Variants in DTNA observed in about 807,000 individuals in gnomAD.
DTNA encodes the protein dystrobrevin alpha.
A neutral mutation model predicts 100.7 loss-of-function variants in DTNA; 43 were observed. The ratio of observed to expected loss-of-function variants is 0.43; its 90% CI spans 0.33 to 0.55. The LOEUF (loss-of-function observed/expected upper bound fraction) is 0.55, where lower values mean the gene tolerates loss of function less well. DTNA is among the 20% of genes least tolerant of loss of function. The probability of loss-of-function intolerance (pLI) is 0.04; values close to 1 mark genes in which losing one functional copy is unlikely to be tolerated. For synonymous variants in DTNA, 349 were observed against 347.9 expected (o/e 1.00, Z -0.04); for missense variants, 798 against 953.9 (o/e 0.84, Z 2.15).
intron 8 of DTNA, among the ~76,000 whole-genome samples, chr18:34,819,376 A>G (rs1028939535): frequency 6.6e-6 from 1 of 152,250 alleles, no homozygotes; most frequent in African/African-American, 2.4e-5. Flanking sequence ...AAGGAAGAGT[A>G]TACTGAGAAC....
chr18:34,562,057 A>T (rs1489324496), intron 1 of DTNA, among the ~76,000 whole-genome samples: 9 of 152,020 alleles, frequency 5.9e-5, no homozygotes, highest in African/African-American at 2.2e-4. Context: ...CATACTAGAG[A>T]CTGTGGTAAA....
intron 17 of DTNA, among the ~76,000 whole-genome samples, chr18:34,869,140 G>A (rs2096738456): frequency 6.6e-6 from 1 of 152,118 alleles, no homozygotes; most frequent in African/African-American, 2.4e-5. Flanking sequence ...TCAAACTATT[G>A]ATAATCCATG....
intron 1 of DTNA, among the ~76,000 whole-genome samples, chr18:34,524,751 G>A (rs2042451404): frequency 6.6e-6 from 1 of 151,140 alleles, no homozygotes; most frequent in South Asian, 2.1e-4. Flanking sequence ...AGACACAAGA[G>A]GATTTTTTTT....
intron 3 of DTNA, among the ~76,000 whole-genome samples, chr18:34,775,382 A>C (rs1352287295): frequency 6.6e-6 from 1 of 152,166 alleles, no homozygotes; most frequent in East Asian, 1.9e-4. Context: ...GCTACTCAGG[A>C]GGCTGAGGCA....
chr18:34,764,073 C>T (rs1306297699), intron 2 of DTNA, among the ~76,000 whole-genome samples: 1 of 152,044 alleles, frequency 6.6e-6, no homozygotes, highest in Non-Finnish European at 1.5e-5. Flanking sequence ...GAAACTAGAT[C>T]AAATAGGTTG....
chr18:34,651,945 A>G (rs551012179), intron 1 of DTNA, among the ~76,000 whole-genome samples: 9 of 152,138 alleles, frequency 5.9e-5, no homozygotes, highest in African/African-American at 2.2e-4. Flanking sequence ...ACACATATAT[A>G]GTCCCAGGCA....
chr18:34,626,031 T>G (rs181768177), intron 1 of DTNA, among the ~76,000 whole-genome samples: 1 of 152,184 alleles, frequency 6.6e-6, no homozygotes, highest in Non-Finnish European at 1.5e-5. Context: ...GAAATTCTCG[T>G]AGACTGTCAA....
chr18:34,553,451 G>A lies in DTNA; in HGVS notation c.-2+59937G>A, dbSNP rs2045675479. Among the ~76,000 whole-genome samples the A allele has an allele frequency of 2.6e-5, 4 of 151,244 alleles. No homozygotes were observed. In the South Asian group the frequency reaches 8.4e-4, roughly 32 times the overall value. ...TTGGTGTTTTGGACATGAAGTCCTT[G>A]CCCATGCCTATGTCCTGAATGGTAA... On this transcript the variant is annotated intron_variant, in intron 1 of 19. Coordinates refer to the DTNA transcript ENST00000283365.
At chr18:34,577,834 CCA>C (rs2048255571) in intron 1 of DTNA, among the ~76,000 whole-genome samples, 1 of 152,116 alleles carries the variant, frequency 6.6e-6, no homozygotes, top group African/African-American at 2.4e-5. Flanking sequence ...GTGTGACATA[CCA>C]CAGTTTCTTT....
chr18:34,576,215 A>G (rs1461581900), intron 1 of DTNA, among the ~76,000 whole-genome samples: 3 of 152,114 alleles, frequency 2.0e-5, no homozygotes, highest in African/African-American at 4.8e-5. Context: ...CTGTGTGACT[A>G]TTGCATGTCC....
intron 17 of DTNA, among the ~76,000 whole-genome samples, chr18:34,873,319 TC>T (rs2096783452): frequency 6.6e-6 from 1 of 152,152 alleles, no homozygotes; most frequent in African/African-American, 2.4e-5. Context: ...CTGTCCAACT[TC>T]CCTTCTCTAG....
At position 34,783,997 on chromosome 18, in the gene DTNA, A is replaced by C. The variant is rs566179506; in HGVS notation, c.149-10040A>C. Among the ~76,000 whole-genome samples the C allele has an allele frequency of 7.9e-5, 12 of 152,284 alleles. 1 individual carries two copies. In the South Asian group the frequency reaches 2.5e-3, roughly 32 times the overall value. ...GTCTCTTGTCTAACTCCATTCTTTA[A>C]GTTGTGCTCCATAGCAGTGGTTCTC... On this transcript the variant is annotated intron_variant, in intron 3 of 22. Transcript: ENST00000444659.
intron 11 of DTNA, among the ~76,000 whole-genome samples, chr18:34,834,774 A>T (rs530916736): frequency 6.6e-6 from 1 of 152,294 alleles, no homozygotes; most frequent in African/African-American, 2.4e-5. Context: ...TTCATGAGGG[A>T]TCTACCCCCA....
intron 17 of DTNA, 52 bp from the exon 18 acceptor site, chr18:34,875,187 C>T (rs2096802732): frequency 4.4e-6 from 7 of 1,606,308 alleles, no homozygotes; most frequent in Non-Finnish European, 6.0e-6. Context: ...TTGGGGATGA[C>T]ATATGACATT....
At chr18:34,827,554 T>C (rs753088180) in intron 9 of DTNA, 39 bp from the exon 10 acceptor site, 2 of 1,599,540 alleles carry the variant, frequency 1.3e-6, no homozygotes, top group South Asian at 1.1e-5. Flanking sequence ...GTGACTTTTA[T>C]TTGTTTTAAC....
intron 1 of DTNA, among the ~76,000 whole-genome samples, chr18:34,725,451 A>G (rs1370876581): frequency 6.6e-6 from 1 of 152,024 alleles, no homozygotes; most frequent in East Asian, 1.9e-4. Flanking sequence ...ATGAACAGAC[A>G]CTTCTCAAAA....
intron 1 of DTNA, among the ~76,000 whole-genome samples, chr18:34,612,518 C>A (rs1199578840): frequency 6.6e-6 from 1 of 152,116 alleles, no homozygotes; most frequent in Non-Finnish European, 1.5e-5. Context: ...GCGGAAGGGG[C>A]CCTGGCACCC....
chr18:34,617,670 A>G (rs1016868867), intron 1 of DTNA, among the ~76,000 whole-genome samples: 1 of 152,128 alleles, frequency 6.6e-6, no homozygotes, highest in African/African-American at 2.4e-5. Flanking sequence ...CCCCTCCTCA[A>G]TGTTCTGGAA....
intron 1 of DTNA, among the ~76,000 whole-genome samples, chr18:34,598,028 T>C (rs1426956448): frequency 6.6e-6 from 1 of 152,224 alleles, no homozygotes; most frequent in Non-Finnish European, 1.5e-5. Flanking sequence ...AAGAAGTTTG[T>C]TTCTGAGGAA....
Sources: allele counts gnomAD v4.1 joint callset (sites outside exome capture counted in the v4.1 genomes callset), GRCh38; gene constraint gnomAD v4.1.1; transcripts MANE v1.5; gene names NCBI Gene and HGNC (gene_info 2026-07-23, HGNC 2026-07-21).